LRRTM4: variants seen among roughly 807,000 people sequenced by gnomAD.
LRRTM4 encodes leucine rich repeat transmembrane neuronal 4, also known as leucine-rich repeat transmembrane neuronal protein 4.
Under a neutral mutation model 47.6 loss-of-function variants are expected in LRRTM4, and 25 were observed. The ratio of observed to expected loss-of-function variants is 0.53; its 90% CI spans 0.38 to 0.73. The LOEUF is 0.73. LRRTM4 is among the 30% of genes least tolerant of loss of function. LRRTM4 has a pLI of 0.00. For synonymous variants in LRRTM4, 311 were observed against 269.5 expected (o/e 1.15, Z -1.51); for missense variants, 638 against 713.4 (o/e 0.89, Z 1.20).
chr2:76,806,107 C>T (rs2103794377), intron 3 of LRRTM4, among the ~76,000 whole-genome samples: 1 of 152,170 alleles, frequency 6.6e-6, no homozygotes, highest in African/African-American at 2.4e-5. Context: ...GAATACAAAA[C>T]TTAGAAACAT....
At chr2:77,044,451 A>C (rs568603061) in intron 3 of LRRTM4, among the ~76,000 whole-genome samples, 3 of 151,804 alleles carry the variant, frequency 2.0e-5, no homozygotes, top group Admixed American at 6.6e-5. Flanking sequence ...AGATATACTA[A>C]AAGAGGAAAT....
At chr2:77,408,760 C>T (rs561035232) in intron 3 of LRRTM4, among the ~76,000 whole-genome samples, 3 of 152,222 alleles carry the variant, frequency 2.0e-5, no homozygotes, top group Admixed American at 2.0e-4. Context: ...CCCCATTAGA[C>T]TAAATTTTAT....
chr2:77,395,780 C>T (rs1349360554), intron 3 of LRRTM4, among the ~76,000 whole-genome samples: 1 of 151,922 alleles, frequency 6.6e-6, no homozygotes, highest in African/African-American at 2.4e-5. Flanking sequence ...GTCCACTGGA[C>T]CAAAGCCTTG....
At chr2:76,898,315 G>A (rs898685523) in intron 3 of LRRTM4, among the ~76,000 whole-genome samples, 5 of 151,768 alleles carry the variant, frequency 3.3e-5, no homozygotes, top group African/African-American at 1.2e-4. Flanking sequence ...TCAAATTTTT[G>A]GAAATCAGCA....
intron 3 of LRRTM4, among the ~76,000 whole-genome samples, chr2:76,903,645 G>A (rs904486299): frequency 6.6e-6 from 1 of 152,144 alleles, no homozygotes; most frequent in African/African-American, 2.4e-5. Context: ...ATTATCTAGA[G>A]AAATTAGGAC....
chr2:76,979,830 G>GT (rs1558775535), intron 3 of LRRTM4, among the ~76,000 whole-genome samples: 1 of 151,942 alleles, frequency 6.6e-6, no homozygotes, highest in Non-Finnish European at 1.5e-5. Context: ...TAATGAAGCA[G>GT]TTTAGATTCC....
At chr2:77,432,788 G>C (rs1043468519) in intron 3 of LRRTM4, among the ~76,000 whole-genome samples, 2 of 152,152 alleles carry the variant, frequency 1.3e-5, no homozygotes, top group African/African-American at 2.4e-5. Context: ...GAAAGCTTTG[G>C]TAAGAAGAGT....
Position 77,410,888 on chromosome 2 carries a change from T to C in LRRTM4, c.1551+107430A>G, listed in dbSNP as rs541061519. Among the ~76,000 whole-genome samples, 275 of 152,160 alleles carry C rather than the reference T, an allele frequency of 1.8e-3. 1 individual carries two copies. The highest frequency in any genetic ancestry group is 3.5e-3 in the Non-Finnish European group (237 of 68,034). On this transcript the variant is annotated intron_variant, in intron 3 of 3. Transcript: ENST00000409884. The stretch of plus-strand genomic sequence containing the variant: ...ACAATTGCCATAAAAACCAAGCAAG[T>C]TAACTATCTTGGGCTCAATTCCATT...
chr2:77,155,367 T>A (rs1447745887), intron 3 of LRRTM4, among the ~76,000 whole-genome samples: 1 of 151,918 alleles, frequency 6.6e-6, no homozygotes, highest in Admixed American at 6.6e-5. Context: ...TAATTATACC[T>A]ACTTACACTG....
At chr2:77,093,085 C>A (rs1670700786) in intron 3 of LRRTM4, among the ~76,000 whole-genome samples, 1 of 146,112 alleles carries the variant, frequency 6.8e-6, no homozygotes, top group African/African-American at 2.7e-5. Flanking sequence ...TTAGACTGTG[C>A]CCCAAAAAAC....
In LRRTM4 at chr2:77,140,378, G is replaced by T. The variant is rs544153454; in HGVS notation, c.1551+377940C>A. 8.7e-4 allele frequency among the ~76,000 whole-genome samples: 133 copies of T among 152,244 alleles called. 1 individual carries two copies. The Middle Eastern group carries it at 0.01, about 12-fold the overall frequency. Reference sequence around the variant, plus strand: ...TGATAAAAACAAGGAATGGGAAAAGGATTCCCTAATTAATAAATGGTGCTG... The same window carrying T: ...TGATAAAAACAAGGAATGGGAAAAGTATTCCCTAATTAATAAATGGTGCTG... On this transcript the variant is annotated intron_variant, in intron 3 of 3. Coordinates refer to ENST00000409884, the MANE Select transcript of LRRTM4 (RefSeq NM_001134745.3).
At chr2:77,463,202 TA>T (rs1298601552) in intron 3 of LRRTM4, among the ~76,000 whole-genome samples, 6 of 152,050 alleles carry the variant, frequency 3.9e-5, no homozygotes, top group Non-Finnish European at 8.8e-5. Flanking sequence ...GTTACTGTAC[TA>T]AACACTATAG....
chr2:77,084,466 C>G (rs554624341), intron 3 of LRRTM4, among the ~76,000 whole-genome samples: 1 of 152,290 alleles, frequency 6.6e-6, no homozygotes, highest in South Asian at 2.1e-4. Flanking sequence ...ATGTTGTGTT[C>G]TTTCTCACAG....
chr2:77,516,968 A>C, intron 3 of LRRTM4: 1 of 984,976 alleles, frequency 1.0e-6, no homozygotes, highest in Non-Finnish European at 1.2e-6. Flanking sequence ...TAGAAAGGGC[A>C]ACATCTTTAA....
At position 76,870,483 on chromosome 2, in the gene LRRTM4, CA is replaced by C. The variant is rs1159826696; in HGVS notation, c.1552-121568del. ...AAAAGGAAAAAAAACCACATTTTTT[CA>C]AAGGAAATTTTTGGGAAATGGAGCA... On this transcript the variant is annotated intron_variant, in intron 3 of 3. Coordinates refer to ENST00000409884, the MANE Select transcript of LRRTM4 (RefSeq NM_001134745.3). Among the ~76,000 whole-genome samples, 7 of 151,960 alleles carry C rather than the reference CA, an allele frequency of 4.6e-5. No individual in the cohort carries two copies. The South Asian group carries it at 1.5e-3, about 32-fold the overall frequency.
At chr2:77,177,855 C>T (rs553736714) in intron 3 of LRRTM4, among the ~76,000 whole-genome samples, 1 of 152,312 alleles carries the variant, frequency 6.6e-6, no homozygotes, top group South Asian at 2.1e-4. Flanking sequence ...CCCAGACCTT[C>T]TTTATGGTTC....
chr2:77,243,862 T>C (rs1256690429), intron 3 of LRRTM4, among the ~76,000 whole-genome samples: 1 of 142,158 alleles, frequency 7.0e-6, no homozygotes, highest in African/African-American at 2.7e-5. Context: ...GCTGCTGCGC[T>C]GCACCCACTA....
intron 3 of LRRTM4, among the ~76,000 whole-genome samples, chr2:76,911,992 G>A (rs141041723): frequency 0.015 from 2,204 of 148,090 alleles, 59 homozygotes; most frequent in African/African-American, 0.053. Context: ...TGCAGTGGCC[G>A]ATCTCCACTC....
At chr2:77,262,128 C>T (rs958743875) in intron 3 of LRRTM4, among the ~76,000 whole-genome samples, 7 of 152,084 alleles carry the variant, frequency 4.6e-5, no homozygotes, top group Non-Finnish European at 8.8e-5. Flanking sequence ...CAGTGTCTCC[C>T]ATCACCTACA....
Sources: allele counts gnomAD v4.1 joint callset (sites outside exome capture counted in the v4.1 genomes callset), GRCh38; gene constraint gnomAD v4.1.1; transcripts MANE v1.5; gene names NCBI Gene and HGNC (gene_info 2026-07-23, HGNC 2026-07-21).